The following HARS2 variants were observed in gnomAD, a reference collection of about 807,000 sequenced individuals.
HARS2 encodes histidine--tRNA ligase, mitochondrial.
Under a neutral mutation model 62.4 loss-of-function variants are expected in HARS2, and 40 were observed. That is an observed-to-expected ratio of 0.64 (90% CI 0.50 to 0.83). HARS2 has a LOEUF of 0.83. HARS2 is among the 40% of genes least tolerant of loss of function. The pLI is 0.00. For missense variants in HARS2, 569 were observed against 626.4 expected (o/e 0.91, Z 0.98); for synonymous variants, 228 against 227.0 (o/e 1.00, Z -0.04).
chr5:140,696,010 C>T, intron 6 of HARS2, 93 bp from the exon 7 acceptor site: 1 of 1,055,018 alleles, frequency 9.5e-7, no homozygotes, highest in South Asian at 1.3e-5. Context: ...GTGAAATTTC[C>T]ATCCTTTTTG....
chr5:140,698,232 G>A (rs1759836942), intron 12 of HARS2, among the ~76,000 whole-genome samples, 154 bp downstream of exon 12: 1 of 152,220 alleles, frequency 6.6e-6, no homozygotes, highest in Admixed American at 6.5e-5. Context: ...TGCTGCCTGT[G>A]AGTATTGACT....
chr5:140,696,761 G>A (rs1581550051), intron 8 of HARS2, 147 bp downstream of exon 8: 3 of 938,522 alleles, frequency 3.2e-6, no homozygotes, highest in South Asian at 1.3e-5. Flanking sequence ...TTATTGTAAC[G>A]ACTTTGTGTC....
In HARS2 at chr5:140,696,559, G is replaced by C; in HGVS notation, c.771G>C (p.Lys257Asn). 2 of 1,613,964 alleles carry C rather than the reference G, an allele frequency of 1.2e-6. No homozygotes were observed. Among genetic ancestry groups the C allele is most frequent in the Non-Finnish European group, 1.7e-6 (2 of 1,179,838 alleles). The change falls in exon 8 of 13, where the codon AAG becomes AAC. Residue 257 changes from lysine to asparagine, a missense_variant. Physicochemically the swap from Lys to Asn is moderately conservative, Grantham distance 94. Coordinates refer to ENST00000230771, the MANE Select transcript of HARS2 (RefSeq NM_012208.4). Reference sequence around the variant, plus strand: ...ATGTGAGACATGAGATGGTGGTGAAGAAAGGCCTGGCTCCTGAGGTGGCTG... The same window carrying C: ...ATGTGAGACATGAGATGGTGGTGAACAAAGGCCTGGCTCCTGAGGTGGCTG... ...WKDVRHEMVV[K>N]KGLAPEVADR...
rs781279092 is a variant in HARS2 at position 140,691,489 on chromosome 5, C to T, written c.-160C>T. 2 of 716,448 alleles carry T rather than the reference C, an allele frequency of 2.8e-6. No individual in the cohort carries two copies. The highest frequency in any genetic ancestry group is 4.8e-6 in the Non-Finnish European group (2 of 414,492). The allele number at this position is 716,448 out of a possible 1,614,324, so 44.4% of individuals were successfully genotyped here. A position where few individuals can be genotyped will look rare whatever the true frequency, so the allele number is the denominator to read the frequency against. On this transcript the variant is annotated 5_prime_UTR_variant, in exon 1 of 13. Coordinates refer to ENST00000230771, the MANE Select transcript of HARS2 (RefSeq NM_012208.4). The stretch of plus-strand genomic sequence containing the variant: ...GGCTACTAAGGGAACTTGGGAGGAT[C>T]CCACCTCAGCCTTCGTGACTAGTGA...
intron 8 of HARS2, 60 bp from the exon 9 acceptor site, chr5:140,696,883 T>G: frequency 1.4e-6 from 2 of 1,474,614 alleles, no homozygotes; most frequent in African/African-American, 1.4e-5. Flanking sequence ...TAGAGCACAT[T>G]AGGGATAATT....
intron 8 of HARS2, 142 bp from the exon 9 acceptor site, chr5:140,696,801 G>T (rs889970298): frequency 4.0e-6 from 4 of 1,012,164 alleles, no homozygotes; most frequent in Non-Finnish European, 6.1e-6. Flanking sequence ...GGCAAAGGAG[G>T]AGGGTCTTGT....
chr5:140,696,648 C>T (rs764173686), intron 8 of HARS2, 34 bp downstream of exon 8: 7 of 1,420,450 alleles, frequency 4.9e-6, no homozygotes, highest in Middle Eastern at 3.5e-4. Flanking sequence ...TGTGATAGAA[C>T]CAGGCTGAAG....
chr5:140,691,569 C>G lies in HARS2; in HGVS notation c.-80C>G. ...GCGCGGGTTCCGCCTTTGCAGTGCC[C>G]TCCACCCTTCCTGGTGTCTGACCCG... On this transcript the variant is annotated 5_prime_UTR_variant, in exon 1 of 13. Transcript: ENST00000230771. The G allele has an allele frequency of 1.0e-6, 1 of 968,832 alleles. No individual in the cohort carries two copies. Among genetic ancestry groups the G allele is most frequent in the East Asian group, 2.6e-5 (1 of 38,410 alleles). 60.0% of individuals were successfully genotyped at this position (968,832 alleles called of 1,614,324 possible).
chr5:140,697,647 T>G lies in HARS2; in HGVS notation c.1276T>G (p.Leu426Val). 6.2e-7 allele frequency: 1 copy of G among 1,613,694 alleles called. No homozygotes were observed. Among genetic ancestry groups the G allele is most frequent in the South Asian group, 1.1e-5 (1 of 91,076 alleles). ...ACAGAAGAACTTTCTCCAAGAACGG[T>G]TGAAGCTTATTGCAGAGCTTTGGGA... ...TPQKNFLQER[L>V]KLIAELWDSG... Residue 426 changes from leucine to valine, a missense_variant, in exon 11 of 13, where the codon TTG (leucine) becomes GTG (valine). Physicochemically the swap from Leu to Val is conservative, Grantham distance 32. Coordinates refer to ENST00000230771, the MANE Select transcript of HARS2 (RefSeq NM_012208.4).
chr5:140,691,759 G>C lies in HARS2; in HGVS notation c.108+3G>C, dbSNP rs1398357761. The C allele has an allele frequency of 6.5e-7, 1 of 1,539,868 alleles. No individual in the cohort carries two copies. The highest frequency in any genetic ancestry group is 8.8e-7 in the Non-Finnish European group (1 of 1,136,692). On this transcript the variant is annotated splice_donor_region_variant and intron_variant, in intron 1 of 12. Coordinates refer to ENST00000230771, the MANE Select transcript of HARS2 (RefSeq NM_012208.4). ...GGGCGGTCCGTTGCCAAAGCCAGGT[G>C]AGCGAGACAGAATTATCTCTGGTCT...
At position 140,694,246 on chromosome 5, in the gene HARS2, G is replaced by A. The variant is rs1759662431; in HGVS notation, c.365G>A (p.Gly122Asp). The A allele has an allele frequency of 6.2e-7, 1 of 1,613,116 alleles. No individual in the cohort carries two copies. Among genetic ancestry groups the A allele is most frequent in the Non-Finnish European group, 8.5e-7 (1 of 1,179,000 alleles). ...SGLMYDLKDQ[G>D]GELLSLRYDL... ...CTCATGTATGATCTGAAGGATCAAG[G>A]TGGAGAGCTGTTGTCCCTCCGCTAT... is the stretch of plus-strand genomic sequence containing the variant. Residue 122 changes from glycine (G) to aspartate (D), a missense_variant, in exon 4 of 13, where the codon GGT (glycine) becomes GAT (aspartate). Gly to Asp is a moderately conservative substitution (Grantham distance 94). Coordinates refer to ENST00000230771, the MANE Select transcript of HARS2 (RefSeq NM_012208.4).
chr5:140,693,949 T>C lies in HARS2; in HGVS notation c.198T>C (p.Leu66=), dbSNP rs1388797578. The C allele has an allele frequency of 6.2e-7, 1 of 1,614,140 alleles. No individual in the cohort carries two copies. The highest frequency in any genetic ancestry group is 2.2e-5 in the East Asian group (1 of 44,878). Residue 66 remains leucine, a synonymous_variant, in exon 3 of 13, where the codon CTT becomes CTC. Transcript: ENST00000230771. ...TTGGTTTCCAGGGTACCAGGGATCT[T>C]AGTCCTCAGCATATGGTTGTGAGGG... The part of the protein sequence containing the change: ...IIKTPKGTRD[L]SPQHMVVREK...
chr5:140,693,881 GA>G, intron 2 of HARS2, 53 bp from the exon 3 acceptor site: 1 of 1,608,316 alleles, frequency 6.2e-7, no homozygotes, highest in South Asian at 1.1e-5. Context: ...CTCCTTGTCT[GA>G]AATGGACTTA....
At chr5:140,692,870 C>A (rs1759572331) in intron 1 of HARS2, among the ~76,000 whole-genome samples, 1 of 149,368 alleles carries the variant, frequency 6.7e-6, no homozygotes, top group Non-Finnish European at 1.5e-5. Context: ...CCAGCCTGGG[C>A]GACAGAGTAA....
intron 2 of HARS2, 96 bp from the exon 3 acceptor site, chr5:140,693,839 A>C (rs1460538956): frequency 1.4e-6 from 2 of 1,429,138 alleles, no homozygotes; most frequent in Non-Finnish European, 2.0e-6. Context: ...TTTCAGCTCC[A>C]GACCTGAGAT....
chr5:140,694,259 GT>G lies in HARS2; in HGVS notation c.379del (p.Ser127ProfsTer16). On this transcript the variant is annotated frameshift_variant, in exon 4 of 13. Coordinates refer to ENST00000230771, the MANE Select transcript of HARS2 (RefSeq NM_012208.4). LOFTEE classifies it high-confidence loss of function. ...DLKDQGGELL[S>X]LRYDLTVPFA... ...TGAAGGATCAAGGTGGAGAGCTGTT[GT>G]CCCTCCGCTATGACCTTACTGTATC... 6.2e-7 allele frequency: 1 copy of G among 1,610,718 alleles called. No individual in the cohort carries two copies. Among genetic ancestry groups the G allele is most frequent in the Non-Finnish European group, 8.5e-7 (1 of 1,176,854 alleles).
Position 140,691,701 on chromosome 5 carries a change from A to G in HARS2, c.53A>G (p.Gln18Arg). Residue 18 changes from glutamine to arginine, a missense_variant, in exon 1 of 13, where the codon CAG (glutamine) becomes CGG (arginine). Coordinates refer to ENST00000230771, the MANE Select transcript of HARS2 (RefSeq NM_012208.4). ...AGGGCCTGGGCTTCGCTGCTCAGCC[A>G]GCTCCTGCGACCGCCCTGCGCTTCG... Reference protein sequence around the residue: ...PRRAWASLLSQLLRPPCASCT... With the variant: ...PRRAWASLLSRLLRPPCASCT... The G allele has an allele frequency of 6.4e-7, 1 of 1,552,566 alleles. No homozygotes were observed. The highest frequency in any genetic ancestry group is 8.7e-7 in the Non-Finnish European group (1 of 1,147,794).
chr5:140,695,595 A>AC lies in HARS2; in HGVS notation c.489dup (p.Ile164HisfsTer7), dbSNP rs781549967. 83 of 1,614,214 alleles carry AC rather than the reference A, an allele frequency of 5.1e-5. No individual in the cohort carries two copies. In the East Asian group the frequency reaches 1.8e-3, roughly 36 times the overall value. On this transcript the variant is annotated frameshift_variant, in exon 5 of 13. Transcript: ENST00000230771. LOFTEE classifies it high-confidence loss of function. ...AAAGGTGTGGCGGCGAGAGAGCCCA[A>AC]CCATAGTCCAAGGCCGTTATAGGGA...
chr5:140,692,891 GA>G (rs747298206), intron 1 of HARS2, among the ~76,000 whole-genome samples: 1,688 of 135,984 alleles, frequency 0.012, 25 homozygotes, highest in African/African-American at 0.037. Flanking sequence ...GACTCTATCT[GA>G]AAAAAAAAAA....
Sources: allele counts gnomAD v4.1 joint callset (sites outside exome capture counted in the v4.1 genomes callset), GRCh38; gene constraint gnomAD v4.1.1; transcripts MANE v1.5; gene names NCBI Gene and HGNC (gene_info 2026-07-23, HGNC 2026-07-21).